The following DKK2 variants were observed in gnomAD, a reference collection of about 807,000 sequenced individuals.
The protein encoded by DKK2 is dickkopf Wnt signaling pathway inhibitor 2.
Under a neutral mutation model 28.1 loss-of-function variants are expected in DKK2, and 11 were observed. The ratio of observed to expected loss-of-function variants is 0.39; its 90% CI spans 0.25 to 0.65. The LOEUF is 0.65. Ranked by LOEUF, DKK2 falls within the 30% of genes least tolerant of loss-of-function variation. The pLI, the probability that DKK2 is intolerant of heterozygous loss-of-function variation, is 0.47. For missense variants in DKK2, 326 were observed against 335.5 expected (o/e 0.97, Z 0.22); for synonymous variants, 135 against 126.5 (o/e 1.07, Z -0.45).
chr4:106,929,051 A>G (rs1724464199), intron 1 of DKK2, among the ~76,000 whole-genome samples: 1 of 152,128 alleles, frequency 6.6e-6, no homozygotes, highest in African/African-American at 2.4e-5. Flanking sequence ...TCTCACATAG[A>G]TAATCTTTAT....
At position 107,035,620 on chromosome 4, in the gene DKK2, G is replaced by T. The variant is rs372726001; in HGVS notation, c.-29C>A. 126 of 1,610,510 alleles carry T rather than the reference G, an allele frequency of 7.8e-5. No individual in the cohort carries two copies. The highest frequency in any genetic ancestry group is 1.1e-4 in the African/African-American group (8 of 74,910). ...CCGGCGAGGGGGTCCCCAGGAAGAC[G>T]CAAAGCCCGGAGGGGTGGGAATGCA... On this transcript the variant is annotated 5_prime_UTR_variant, in exon 1 of 4. Transcript: ENST00000285311.
chr4:106,942,336 C>A (rs561647422), intron 1 of DKK2, among the ~76,000 whole-genome samples: 4 of 152,050 alleles, frequency 2.6e-5, no homozygotes, highest in Non-Finnish European at 5.9e-5. Context: ...AGATTTGTTA[C>A]CAGATAAAAA....
chr4:106,979,510 C>T (rs1722995846), intron 1 of DKK2, among the ~76,000 whole-genome samples: 1 of 149,064 alleles, frequency 6.7e-6, no homozygotes, highest in African/African-American at 2.5e-5. Flanking sequence ...CAAAATCATA[C>T]TATATCTTGG....
intron 1 of DKK2, 87 bp downstream of exon 1, chr4:107,035,283 G>A (rs1298120575): frequency 7.5e-6 from 11 of 1,464,240 alleles, no homozygotes; most frequent in Non-Finnish European, 1.0e-5. Flanking sequence ...CGCTCCGAAT[G>A]TTGCAAGATG....
intron 1 of DKK2, among the ~76,000 whole-genome samples, chr4:106,973,805 T>C (rs1363223132): frequency 6.6e-6 from 1 of 152,226 alleles, no homozygotes; most frequent in Non-Finnish European, 1.5e-5. Flanking sequence ...ATGAAGTCTT[T>C]GCCCTTGCCT....
intron 1 of DKK2, among the ~76,000 whole-genome samples, chr4:106,985,625 A>G (rs1454723564): frequency 6.6e-6 from 1 of 151,878 alleles, no homozygotes; most frequent in Non-Finnish European, 1.5e-5. Context: ...CCTGGCCAAC[A>G]TGGTGAGACC....
chr4:106,951,060 T>C (rs1002800706), intron 1 of DKK2, among the ~76,000 whole-genome samples: 14 of 152,086 alleles, frequency 9.2e-5, no homozygotes, highest in Non-Finnish European at 1.9e-4. Flanking sequence ...TGCCTGTAAA[T>C]ATAATTATTT....
intron 1 of DKK2, among the ~76,000 whole-genome samples, chr4:106,940,708 C>T (rs971969368): frequency 2.1e-4 from 32 of 151,296 alleles, no homozygotes; most frequent in Admixed American, 1.8e-3. Context: ...TGGAACCAAC[C>T]TAAATGTCCA....
chr4:106,934,512 T>A (rs965998733), intron 1 of DKK2, among the ~76,000 whole-genome samples: 3 of 152,092 alleles, frequency 2.0e-5, no homozygotes, highest in Non-Finnish European at 4.4e-5. Flanking sequence ...TTCAAATACA[T>A]ACACAAACAC....
At chr4:106,955,143 A>T (rs546230930) in intron 1 of DKK2, among the ~76,000 whole-genome samples, 2 of 152,346 alleles carry the variant, frequency 1.3e-5, no homozygotes, top group African/African-American at 4.8e-5. Flanking sequence ...TAATTATCTT[A>T]AAAATAATAA....
intron 1 of DKK2, among the ~76,000 whole-genome samples, chr4:106,983,913 A>G (rs1361912860): frequency 6.6e-6 from 1 of 152,226 alleles, no homozygotes; most frequent in Non-Finnish European, 1.5e-5. Context: ...ATAGGATATC[A>G]GTACACACCT....
At chr4:106,939,153 G>A (rs1215157485) in intron 1 of DKK2, among the ~76,000 whole-genome samples, 5 of 152,168 alleles carry the variant, frequency 3.3e-5, no homozygotes, top group Non-Finnish European at 5.9e-5. Context: ...ATTCAATTAG[G>A]AAAAGAGGAA....
intron 1 of DKK2, among the ~76,000 whole-genome samples, chr4:107,009,914 C>A (rs954415862): frequency 2.0e-5 from 3 of 151,702 alleles, no homozygotes. Flanking sequence ...GAATTCTCCT[C>A]GAATTACAGA....
intron 1 of DKK2, among the ~76,000 whole-genome samples, chr4:106,965,884 T>G: frequency 6.6e-6 from 1 of 150,776 alleles, no homozygotes. Context: ...CTGAGAATGA[T>G]GTTTTCCAAT....
chr4:106,925,316 A>G (rs1047837184), intron 2 of DKK2, among the ~76,000 whole-genome samples: 19 of 152,228 alleles, frequency 1.2e-4, no homozygotes, highest in South Asian at 2.1e-4. Flanking sequence ...TTGTCTGCCT[A>G]TAAATTCATT....
rs1723917503 is a variant in DKK2 at position 107,033,856 on chromosome 4, G to C, written c.222+1514C>G. Among the ~76,000 whole-genome samples the C allele has an allele frequency of 1.3e-5, 2 of 152,122 alleles. 1 individual carries two copies. The highest frequency in any genetic ancestry group is 4.1e-4 in the South Asian group (2 of 4,822). ...TAGGACCATTGCTATTGAAAATCCT[G>C]GGGTGACTCGCAGGAGAGAAAAAGC... On this transcript the variant is annotated intron_variant, in intron 1 of 3. Transcript: ENST00000285311.
At chr4:106,946,860 C>T (rs1364983226) in intron 1 of DKK2, among the ~76,000 whole-genome samples, 1 of 152,004 alleles carries the variant, frequency 6.6e-6, no homozygotes, top group Non-Finnish European at 1.5e-5. Flanking sequence ...CCTTCTGCTC[C>T]TCAAATCCCT....
At chr4:107,023,026 T>C (rs928824837) in intron 1 of DKK2, among the ~76,000 whole-genome samples, 1 of 152,088 alleles carries the variant, frequency 6.6e-6, no homozygotes, top group Non-Finnish European at 1.5e-5. Context: ...TCCAAGTAGA[T>C]GTAACCCCTG....
chr4:106,976,333 A>G (rs1722944199), intron 1 of DKK2, among the ~76,000 whole-genome samples: 1 of 152,208 alleles, frequency 6.6e-6, no homozygotes, highest in African/African-American at 2.4e-5. Flanking sequence ...TAATATTGAC[A>G]GTGGGGTGTT....
Sources: gnomAD v4.1 joint callset for allele counts (sites outside exome capture counted in the v4.1 genomes callset) on GRCh38, gnomAD v4.1.1 for gene constraint, MANE v1.5 for transcripts, NCBI Gene and HGNC (gene_info 2026-07-23, HGNC 2026-07-21) for gene names.